Variants in EXT2 observed in about 807,000 individuals in gnomAD.
EXT2 encodes the protein exostosin-2.
In EXT2, 53 loss-of-function variants were observed where a neutral mutation model predicts 81.6. The ratio of observed to expected loss-of-function variants is 0.65; its 90% confidence interval spans 0.52 to 0.82. The LOEUF is 0.82. Ranked by LOEUF, EXT2 falls within the 40% of genes least tolerant of loss-of-function variation. The probability of loss-of-function intolerance (pLI) is 0.00; values close to 1 mark genes in which losing one functional copy is unlikely to be tolerated. For missense variants in EXT2, 774 were observed against 910.2 expected, an observed-to-expected ratio of 0.85 and a Z score of 1.93; for synonymous variants, 320 against 340.0, an observed-to-expected ratio of 0.94 and a Z score of 0.65.
rs181570893 is a variant in EXT2, at chr11:44,195,758, C to T, written c.1306-2071C>T. Among the ~76,000 whole-genome samples, 11 of 152,264 alleles carry T rather than the reference C, an allele frequency of 7.2e-5. No individual in the cohort carries two copies. The East Asian group carries it at 1.9e-3, about 27-fold the overall frequency. ...GGGAAGTATGCAGCAGCCATAATAG[C>T]AGATAGGACATTTCATTCTCAGCCA... On this transcript the variant is annotated intron_variant, in intron 8 of 13. Transcript: ENST00000533608.
chr11:44,235,908 C>T (rs990282253), intron 12 of EXT2, among the ~76,000 whole-genome samples: 3 of 152,234 alleles, frequency 2.0e-5, no homozygotes, highest in African/African-American at 4.8e-5. Context: ...GAAAGAGCGC[C>T]TGTTGGAACT....
chr11:44,148,417 T>C (rs2135075506), intron 7 of EXT2, among the ~76,000 whole-genome samples: 1 of 152,322 alleles, frequency 6.6e-6, no homozygotes, highest in East Asian at 1.9e-4. Flanking sequence ...TTGAACTTTA[T>C]GGAGCATTAG....
intron 8 of EXT2, among the ~76,000 whole-genome samples, chr11:44,188,273 A>G (rs1955344076): frequency 6.6e-6 from 1 of 152,160 alleles, no homozygotes; most frequent in African/African-American, 2.4e-5. Context: ...TTGACCTGGT[A>G]ACTCTGTGAA....
rs558120168 is a variant in EXT2 at position 44,250,380 on chromosome 11, G to C, written c.*6093G>C. 6.6e-6 allele frequency among the ~76,000 whole-genome samples: 1 copy of C among 152,326 alleles called. No individual in the cohort carries two copies. Among genetic ancestry groups the C allele is most frequent in the Non-Finnish European group, 1.5e-5 (1 of 68,030 alleles). ...CCTTAGTTTCCTCAGCCAGAAATTG[G>C]AGACAGCAAGAGCACTTATGCCTGA... is the stretch of plus-strand genomic sequence containing the variant. On this transcript the variant is annotated 3_prime_UTR_variant, in exon 14 of 14. Transcript: ENST00000533608.
intron 6 of EXT2, among the ~76,000 whole-genome samples, chr11:44,127,575 A>C (rs1364626802): frequency 6.6e-6 from 1 of 152,196 alleles, no homozygotes; most frequent in African/African-American, 2.4e-5. Context: ...CTGTGGAAAA[A>C]TTGTCTTCCA....
At chr11:44,109,384 T>A (rs969500188) in intron 3 of EXT2, 101 bp downstream of exon 3, 13 of 1,074,138 alleles carry the variant, frequency 1.2e-5, no homozygotes, top group African/African-American at 1.6e-5. Context: ...TAATCAGAAT[T>A]GTTTATTAAA....
intron 7 of EXT2, among the ~76,000 whole-genome samples, chr11:44,170,659 T>A (rs1262852042): frequency 6.6e-6 from 1 of 152,228 alleles, no homozygotes; most frequent in Non-Finnish European, 1.5e-5. Context: ...TGGATGTGAA[T>A]GCACAGCTTT....
At position 44,206,855 on chromosome 11, in the gene EXT2, A is replaced by T; in HGVS notation, c.1558A>T (p.Ser520Cys). 6.2e-7 allele frequency: 1 copy of T among 1,614,158 alleles called. No homozygotes were observed. The highest frequency in any genetic ancestry group is 8.5e-7 in the Non-Finnish European group (1 of 1,180,012). Residue 520 changes from serine to cysteine, a missense_variant, in exon 10 of 14, where the codon AGT (serine) becomes TGT (cysteine). Transcript: ENST00000533608. ...TGTGAGGACTGCTGAAAACAAGTTA[A>T]GTAACCGTTTCTTCCCTTATGATGA... ...KVVRTAENKL[S>C]NRFFPYDEIE...
chr11:44,112,877 C>T (rs1590553940), intron 3 of EXT2, among the ~76,000 whole-genome samples: 1 of 152,234 alleles, frequency 6.6e-6, no homozygotes, highest in Middle Eastern at 3.4e-3. Context: ...AGTGTAATAG[C>T]CTAATCACCC....
intron 3 of EXT2, among the ~76,000 whole-genome samples, chr11:44,109,512 G>T (rs1954111940): frequency 6.6e-6 from 1 of 152,148 alleles, no homozygotes; most frequent in African/African-American, 2.4e-5. Flanking sequence ...TCCCACTCTG[G>T]ATTGTGCACT....
intron 9 of EXT2, among the ~76,000 whole-genome samples, chr11:44,205,197 G>A (rs559349723): frequency 6.6e-6 from 1 of 152,296 alleles, no homozygotes; most frequent in African/African-American, 2.4e-5. Flanking sequence ...TTGTCAGGAG[G>A]ATTGAATGAA....
rs1048197430 is a variant in EXT2, at chr11:44,245,513, A to G, written c.*1226A>G. ...GTTAAATGTTATGGATTCGAAACAG[A>G]TTTATCTGGCTCTGATATTAAGATT... On this transcript the variant is annotated 3_prime_UTR_variant, in exon 14 of 14. Transcript: ENST00000533608. 5.6e-6 allele frequency: 1 copy of G among 178,254 alleles called. No individual in the cohort carries two copies. The highest frequency in any genetic ancestry group is 6.3e-5 in the Admixed American group (1 of 15,834). 11.0% of individuals were successfully genotyped at this position (178,254 alleles called of 1,614,324 possible).
intron 8 of EXT2, among the ~76,000 whole-genome samples, chr11:44,180,021 C>CT (rs371616282): frequency 1.3e-5 from 2 of 152,022 alleles, no homozygotes; most frequent in East Asian, 1.9e-4. Context: ...TTGGCTCTCC[C>CT]TTTTTTTTCC....
intron 8 of EXT2, 130 bp downstream of exon 8, chr11:44,171,872 C>T: frequency 2.2e-6 from 3 of 1,393,170 alleles, no homozygotes; most frequent in Non-Finnish European, 3.0e-6. Context: ...GCTTTTTATA[C>T]TTGGGGCCTG....
intron 7 of EXT2, among the ~76,000 whole-genome samples, chr11:44,144,605 T>C (rs1954691093): frequency 6.6e-6 from 1 of 152,170 alleles, no homozygotes; most frequent in African/African-American, 2.4e-5. Context: ...GGAAAACCGA[T>C]CCACCCTTAG....
chr11:44,107,243 G>A (rs1197056079), intron 1 of EXT2, among the ~76,000 whole-genome samples: 1 of 151,922 alleles, frequency 6.6e-6, no homozygotes, highest in Non-Finnish European at 1.5e-5. Context: ...TTTATAAGAA[G>A]TGTCCAAAGT....
intron 1 of EXT2, among the ~76,000 whole-genome samples, chr11:44,100,317 T>C (rs913689693): frequency 1.3e-5 from 2 of 152,206 alleles, no homozygotes; most frequent in Non-Finnish European, 2.9e-5. Context: ...GAGATAGTAT[T>C]GTGAAAATGG....
At chr11:44,113,452 C>A (rs1446094142) in intron 3 of EXT2, among the ~76,000 whole-genome samples, 1 of 152,152 alleles carries the variant, frequency 6.6e-6, no homozygotes, top group African/African-American at 2.4e-5. Flanking sequence ...CATTGTACTA[C>A]TTGCTGGATC....
At chr11:44,151,543 C>T (rs1260205764) in intron 7 of EXT2, among the ~76,000 whole-genome samples, 1 of 152,166 alleles carries the variant, frequency 6.6e-6, no homozygotes, top group African/African-American at 2.4e-5. Context: ...CATGTGTCTT[C>T]ATGGCTTGGT....
Sources: allele counts gnomAD v4.1 joint callset (sites outside exome capture counted in the v4.1 genomes callset), GRCh38; gene constraint gnomAD v4.1.1; transcripts MANE v1.5; gene names NCBI Gene and HGNC (gene_info 2026-07-23, HGNC 2026-07-21).